FMN1: variants seen among roughly 807,000 people sequenced by gnomAD.
FMN1 encodes the protein formin 1, also known as formin-1.
Under a neutral mutation model 132.4 loss-of-function variants are expected in FMN1, and 110 were observed. The observed-to-expected ratio is 0.83, with a 90% CI of 0.71 to 0.97. The LOEUF is 0.97. Ranked by LOEUF, FMN1 falls within the 50% of genes least tolerant of loss-of-function variation. FMN1 has a pLI of 0.00. For missense variants in FMN1, 1,792 were observed against 1,705.3 expected, an observed-to-expected ratio of 1.05 and a Z score of -0.90; for synonymous variants, 722 against 651.7, an observed-to-expected ratio of 1.11 and a Z score of -1.64.
At chr15:32,910,217 C>A (rs1448937842) in intron 11 of FMN1, among the ~76,000 whole-genome samples, 1 of 152,178 alleles carries the variant, frequency 6.6e-6, no homozygotes, top group African/African-American at 2.4e-5. Flanking sequence ...GACTGGGTTC[C>A]AGGGCACGTA....
chr15:32,831,051 T>C (rs1229307031), intron 17 of FMN1, among the ~76,000 whole-genome samples: 1 of 152,202 alleles, frequency 6.6e-6, no homozygotes, highest in African/African-American at 2.4e-5. Context: ...CTGATTGAGG[T>C]CCTCCTTTAA....
intron 6 of FMN1, among the ~76,000 whole-genome samples, chr15:33,027,369 A>G (rs1412583001): frequency 1.3e-5 from 2 of 152,224 alleles, no homozygotes; most frequent in African/African-American, 2.4e-5. Context: ...TATTTGAAAT[A>G]TACTAAGTAA....
chr15:33,153,372 T>G lies in FMN1; in HGVS notation c.1543A>C (p.Lys515Gln). ...GGCGAGGGAACAGGTGACGTCTGTT[T>G]GTGTGTGCTGGACTGCGAGGCTGAA... ...NNSASQSSTH[K>Q]QTSPVPSPLS... The change falls in exon 4 of 21, where the codon AAA becomes CAA. Residue 515 changes from lysine (K) to glutamine (Q), a missense_variant. Around this residue, in one of 3 missense-constraint regions of FMN1, gnomAD observed 638 missense variants for 645.2 expected, o/e 0.99. Coordinates refer to ENST00000616417, the MANE Select transcript of FMN1 (RefSeq NM_001277313.2). 6.5e-7 allele frequency: 1 copy of G among 1,536,466 alleles called. No individual in the cohort carries two copies. Among genetic ancestry groups the G allele is most frequent in the Non-Finnish European group, 8.7e-7 (1 of 1,146,958 alleles).
intron 6 of FMN1, among the ~76,000 whole-genome samples, chr15:33,027,561 A>T (rs1258349732): frequency 1.3e-5 from 2 of 150,646 alleles, no homozygotes; most frequent in African/African-American, 4.9e-5. Context: ...AGTTTTAGAC[A>T]TTTCAGTTTA....
intron 6 of FMN1, among the ~76,000 whole-genome samples, chr15:33,018,605 C>T (rs909264744): frequency 2.6e-5 from 4 of 152,168 alleles, no homozygotes; most frequent in Non-Finnish European, 5.9e-5. Flanking sequence ...CGTACCTTGT[C>T]CTATGCATCT....
At chr15:32,916,529 G>A (rs2060688406) in intron 10 of FMN1, among the ~76,000 whole-genome samples, 1 of 152,178 alleles carries the variant, frequency 6.6e-6, no homozygotes, top group East Asian at 1.9e-4. Flanking sequence ...CTGGTCATCC[G>A]AAGTGTGGGA....
intron 2 of FMN1, among the ~76,000 whole-genome samples, chr15:33,188,499 G>A (rs765009325): frequency 1.3e-5 from 2 of 152,010 alleles, no homozygotes; most frequent in African/African-American, 4.8e-5. Flanking sequence ...CTTCTTAGAT[G>A]TGGTTCAGGC....
intron 6 of FMN1, among the ~76,000 whole-genome samples, chr15:33,033,016 A>G (rs1009926126): frequency 4.6e-5 from 7 of 151,982 alleles, no homozygotes; most frequent in Non-Finnish European, 1.0e-4. Context: ...CTGTTTTACT[A>G]TTACTGTTTC....
At chr15:32,903,436 TCA>T (rs1441986665) in intron 12 of FMN1, among the ~76,000 whole-genome samples, 2 of 152,154 alleles carry the variant, frequency 1.3e-5, no homozygotes, top group Non-Finnish European at 2.9e-5. Flanking sequence ...AGCAAAAAGC[TCA>T]CAAGACTGAC....
chr15:32,873,649 G>T (rs537381341), intron 16 of FMN1, among the ~76,000 whole-genome samples: 1 of 152,106 alleles, frequency 6.6e-6, no homozygotes, highest in African/African-American at 2.4e-5. Context: ...AGAGGAGAGG[G>T]GGAGTTCTGG....
intron 4 of FMN1, among the ~76,000 whole-genome samples, chr15:33,096,650 A>G (rs2039096260): frequency 6.6e-6 from 1 of 151,312 alleles, no homozygotes; most frequent in African/African-American, 2.4e-5. Flanking sequence ...TCTAGGCTGG[A>G]GTGCTGTGGT....
intron 3 of FMN1, among the ~76,000 whole-genome samples, chr15:33,166,350 A>G (rs889306864): frequency 2.0e-5 from 3 of 151,768 alleles, no homozygotes; most frequent in Non-Finnish European, 2.9e-5. Context: ...AGAAAGACCA[A>G]TGAAACAAAG....
At chr15:33,020,347 G>C (rs1034521018) in intron 6 of FMN1, among the ~76,000 whole-genome samples, 1 of 147,802 alleles carries the variant, frequency 6.8e-6, no homozygotes, top group Admixed American at 6.8e-5. Flanking sequence ...CACCAGATTC[G>C]GTCACTATAA....
intron 4 of FMN1, among the ~76,000 whole-genome samples, chr15:33,131,114 G>A (rs1007857386): frequency 2.0e-5 from 3 of 152,168 alleles, no homozygotes. Context: ...TGGATCACCT[G>A]AGGTCAGGAA....
At chr15:33,155,194 C>T in intron 3 of FMN1, 149 bp from the exon 4 acceptor site, 1 of 354,812 alleles carries the variant, frequency 2.8e-6, no homozygotes, top group African/African-American at 2.1e-5. Context: ...AGATTTCAAT[C>T]TCTTCCTCAC....
rs117414017 is a variant in FMN1, at chr15:33,060,270, C to T, written c.2161+4687G>A. On this transcript the variant is annotated intron_variant, in intron 6 of 20. Coordinates refer to ENST00000616417, the MANE Select transcript of FMN1 (RefSeq NM_001277313.2). ...TAAAGGAAAATCCATTGCTGACTAA[C>T]GCAGCCTGTTAGCTATGAATGCAGA... Among the ~76,000 whole-genome samples, 853 of 152,292 alleles carry T rather than the reference C, an allele frequency of 5.6e-3. 3 individuals carry two copies. The highest frequency in any genetic ancestry group is 9.4e-3 in the Non-Finnish European group (637 of 68,026).
intron 10 of FMN1, among the ~76,000 whole-genome samples, chr15:32,920,783 C>G (rs1210658518): frequency 6.6e-6 from 1 of 152,222 alleles, no homozygotes; most frequent in Non-Finnish European, 1.5e-5. Context: ...CTGTATTACT[C>G]CTTGCATCTG....
intron 17 of FMN1, among the ~76,000 whole-genome samples, chr15:32,835,859 T>TTTA (rs1171545219): frequency 6.6e-6 from 1 of 152,054 alleles, no homozygotes; most frequent in Non-Finnish European, 1.5e-5. Flanking sequence ...CTGTTTTTAT[T>TTTA]TTATTATTAT....
intron 5 of FMN1, among the ~76,000 whole-genome samples, chr15:33,085,917 G>C (rs2038673009): frequency 6.6e-6 from 1 of 152,110 alleles, no homozygotes; most frequent in African/African-American, 2.4e-5. Context: ...TAACGAGCTT[G>C]CAACAGCCTG....
Sources: gnomAD v4.1 joint callset for allele counts (sites outside exome capture counted in the v4.1 genomes callset) on GRCh38, gnomAD v4.1.1 for gene constraint, gnomAD v4.1.1 regional missense constraint, MANE v1.5 for transcripts, NCBI Gene and HGNC (gene_info 2026-07-23, HGNC 2026-07-21) for gene names.